Variants in ACYP2 observed in about 807,000 individuals in gnomAD.
ACYP2 encodes the protein acylphosphatase 2.
A neutral mutation model predicts 11.2 loss-of-function variants in ACYP2; 12 were observed. The ratio of observed to expected loss-of-function variants is 1.08; its 90% CI spans 0.69 to 1.74. The LOEUF (loss-of-function observed/expected upper bound fraction) is 1.74. Among genes scored for constraint, ACYP2 ranks in the 40% most tolerant of loss-of-function variants. The pLI is 0.00. For synonymous variants in ACYP2, 43 were observed against 32.2 expected (o/e 1.33, Z -1.13); for missense variants, 134 against 101.9 (o/e 1.31, Z -1.35).
At chr2:54,107,697 T>C (rs1679239777) in intron 4 of ACYP2, among the ~76,000 whole-genome samples, 2 of 152,354 alleles carry the variant, frequency 1.3e-5, no homozygotes, top group South Asian at 4.1e-4. Context: ...CACAAGCATC[T>C]GGGTTGCTTT....
chr2:54,029,096 C>T (rs1432812072), intron 2 of ACYP2, among the ~76,000 whole-genome samples: 1 of 152,134 alleles, frequency 6.6e-6, no homozygotes, highest in Non-Finnish European at 1.5e-5. Flanking sequence ...GCCTGGAAAG[C>T]TGAGGCTGCA....
At chr2:54,135,205 A>C (rs759237486) in intron 4 of ACYP2, among the ~76,000 whole-genome samples, 3 of 152,214 alleles carry the variant, frequency 2.0e-5, no homozygotes, top group Non-Finnish European at 2.9e-5. Context: ...GGGATAATTC[A>C]TGGGTGGGAC....
At chr2:54,040,873 T>C (rs922890687) in intron 2 of ACYP2, among the ~76,000 whole-genome samples, 4 of 151,346 alleles carry the variant, frequency 2.6e-5, no homozygotes, top group Admixed American at 2.0e-4. Context: ...GAAATGGAGG[T>C]AGTAGCTGAA....
At chr2:54,300,666 T>C (rs188870193) in intron 6 of ACYP2, among the ~76,000 whole-genome samples, 104 of 152,344 alleles carry the variant, frequency 6.8e-4, no homozygotes, top group African/African-American at 2.4e-3. Flanking sequence ...CACTCCCTAA[T>C]TAACTTCCTG....
intron 4 of ACYP2, among the ~76,000 whole-genome samples, chr2:54,074,578 T>TTGTGTGTGTGTG (rs59845178): frequency 1.0e-4 from 15 of 146,058 alleles, no homozygotes; most frequent in African/African-American, 3.8e-4. Context: ...AGAACAGAAT[T>TTGTGTGTGTGTG]TGTGTGTGTG....
chr2:54,207,171 A>ATGTGTG (rs1462290345), intron 6 of ACYP2, among the ~76,000 whole-genome samples: 26 of 68,466 alleles, frequency 3.8e-4, no homozygotes, highest in African/African-American at 1.1e-3. Context: ...TACAACATGT[A>ATGTGTG]TATGTGTGTG....
At chr2:54,039,569 C>G (rs576532625) in intron 2 of ACYP2, among the ~76,000 whole-genome samples, 65 of 151,642 alleles carry the variant, frequency 4.3e-4, no homozygotes, top group Admixed American at 2.7e-3. Flanking sequence ...TGGGACTACA[C>G]GTGTGCACTA....
intron 6 of ACYP2, among the ~76,000 whole-genome samples, chr2:54,204,035 C>A (rs754458678): frequency 1.3e-5 from 2 of 152,144 alleles, no homozygotes; most frequent in African/African-American, 4.8e-5. Context: ...CGCTCTGTCA[C>A]CCCGGCTGGA....
At chr2:54,037,136 A>G (rs1160348073) in intron 2 of ACYP2, among the ~76,000 whole-genome samples, 1 of 152,224 alleles carries the variant, frequency 6.6e-6, no homozygotes, top group Non-Finnish European at 1.5e-5. Flanking sequence ...TTTTTAAGAC[A>G]GAATCTCGCT....
chr2:54,133,610 T>A (rs906527891), intron 4 of ACYP2, among the ~76,000 whole-genome samples: 1 of 152,204 alleles, frequency 6.6e-6, no homozygotes, highest in African/African-American at 2.4e-5. Flanking sequence ...AGCCCAGATG[T>A]GGGGCATATC....
chr2:54,108,059 C>T (rs1347114435), intron 4 of ACYP2, among the ~76,000 whole-genome samples: 3 of 152,262 alleles, frequency 2.0e-5, no homozygotes, highest in Non-Finnish European at 4.4e-5. Context: ...TGTCCTGTGC[C>T]CTGCCTCTTG....
At chr2:54,021,159 C>G (rs553935570) in intron 2 of ACYP2, among the ~76,000 whole-genome samples, 1 of 152,206 alleles carries the variant, frequency 6.6e-6, no homozygotes, top group South Asian at 2.1e-4. Context: ...AGCAGGCATA[C>G]GAGCCGGAGT....
intron 6 of ACYP2, among the ~76,000 whole-genome samples, chr2:54,202,944 A>G (rs914937449): frequency 6.6e-6 from 1 of 151,786 alleles, no homozygotes; most frequent in African/African-American, 2.4e-5. Flanking sequence ...TGTTACGGCT[A>G]TTCGTGTTGC....
Position 54,201,628 on chromosome 2 carries a change from C to CTTTG in ACYP2, c.404+62883_404+62884insGTTT, listed in dbSNP as rs879397824. ...TCTTTCTTTCTTTCTTTCTTTGTTT[C>CTTTG]TTTCTTTCTCTTTCTTTCTTTCTTT... is the stretch of plus-strand genomic sequence containing the variant. On this transcript the variant is annotated intron_variant, in intron 6 of 6. Transcript: ENST00000607452. 3.3e-3 allele frequency among the ~76,000 whole-genome samples: 332 copies of CTTTG among 99,466 alleles called. 1 individual carries two copies. The highest frequency in any genetic ancestry group is 5.1e-3 in the Non-Finnish European group (246 of 48,454). The allele number at this position is 99,466 out of a possible 152,430, so 65.3% of individuals were successfully genotyped here.
chr2:54,304,874 T>C lies in ACYP2; in HGVS notation c.*72T>C, dbSNP rs759375718. The C allele has an allele frequency of 2.3e-5, 19 of 819,128 alleles. 1 individual carries two copies. Among genetic ancestry groups the C allele is most frequent in the Admixed American group, 1.3e-4 (5 of 38,184 alleles). 50.7% of individuals were successfully genotyped at this position (819,128 alleles called of 1,614,324 possible). Reference sequence around the variant, plus strand: ...CTTAAGACTATGTATACTAGAATAATAGTAGCAGAGTAGGGTGAAAAGGAA... The same window carrying C: ...CTTAAGACTATGTATACTAGAATAACAGTAGCAGAGTAGGGTGAAAAGGAA... On this transcript the variant is annotated 3_prime_UTR_variant, in exon 7 of 7. Transcript: ENST00000607452.
intron 2 of ACYP2, among the ~76,000 whole-genome samples, chr2:54,033,185 G>A (rs11884857): frequency 0.096 from 14,104 of 147,536 alleles, 881 homozygotes; most frequent in African/African-American, 0.18. Context: ...CCCCTCAGTC[G>A]TGCCTGTGGG....
chr2:54,175,572 A>G (rs1683424186), intron 6 of ACYP2, among the ~76,000 whole-genome samples: 1 of 151,832 alleles, frequency 6.6e-6, no homozygotes, highest in African/African-American at 2.4e-5. Flanking sequence ...GCCTTCTCCT[A>G]GTTTTTGAAT....
intron 2 of ACYP2, among the ~76,000 whole-genome samples, chr2:54,046,138 C>G (rs576532639): frequency 7.8e-6 from 1 of 128,864 alleles, no homozygotes; most frequent in East Asian, 2.4e-4. Context: ...CCACTGCACT[C>G]TAGCTTGGGT....
chr2:54,053,458 C>T (rs1675967662), intron 3 of ACYP2, among the ~76,000 whole-genome samples: 1 of 152,354 alleles, frequency 6.6e-6, no homozygotes, highest in Non-Finnish European at 1.5e-5. Flanking sequence ...TCAAGTTCAG[C>T]TTTCCTGGGT....
Sources: gnomAD v4.1 joint callset for allele counts (sites outside exome capture counted in the v4.1 genomes callset) on GRCh38, gnomAD v4.1.1 for gene constraint, MANE v1.5 for transcripts, NCBI Gene and HGNC (gene_info 2026-07-23, HGNC 2026-07-21) for gene names.